RBCK1: variants seen among roughly 807,000 people sequenced by gnomAD.
The protein encoded by RBCK1 is ranBP-type and C3HC4-type zinc finger-containing protein 1.
In RBCK1, 44 loss-of-function variants were observed where a neutral mutation model predicts 71.1. The observed-to-expected ratio is 0.62, with a 90% CI of 0.49 to 0.80. RBCK1 has a LOEUF of 0.80. Among genes scored for constraint, RBCK1 ranks in the 30% least tolerant of loss-of-function variants. The probability of loss-of-function intolerance (pLI) is 0.00; values close to 1 mark genes in which losing one functional copy is unlikely to be tolerated. For synonymous variants in RBCK1, 306 were observed against 279.7 expected (o/e 1.09, Z -0.94); for missense variants, 569 against 685.0 (o/e 0.83, Z 1.89).
chr20:425,341 A>C (rs368511092), intron 8 of RBCK1, among the ~76,000 whole-genome samples: 1 of 152,226 alleles, frequency 6.6e-6, no homozygotes, highest in Non-Finnish European at 1.5e-5. Flanking sequence ...ACTTTACTTA[A>C]GTATACTTTG....
In RBCK1 at chr20:417,272, C is replaced by T. The variant is rs746763063; in HGVS notation, c.168-254C>T. The T allele has an allele frequency of 4.4e-6, 3 of 681,140 alleles. No individual in the cohort carries two copies. Among genetic ancestry groups the T allele is most frequent in the Non-Finnish European group, 8.4e-6 (3 of 358,004 alleles). The allele number at this position is 681,140 out of a possible 1,614,324, so 42.2% of individuals were successfully genotyped here. A position where few individuals can be genotyped will look rare whatever the true frequency, so the allele number is the denominator to read the frequency against. On this transcript the variant is annotated intron_variant, in intron 2 of 11. Coordinates refer to ENST00000356286, the MANE Select transcript of RBCK1 (RefSeq NM_031229.4). The surrounding 1 kb of genome is among the most constrained non-coding windows in gnomAD (Gnocchi z 4.7). Reference sequence around the variant, plus strand: ...TGGAGAGGTCAGGGAGGTGCCAGATCATGGAGGCCCTCGTGTGCTGCCACG... The same window carrying T: ...TGGAGAGGTCAGGGAGGTGCCAGATTATGGAGGCCCTCGTGTGCTGCCACG...
Position 425,290 on chromosome 20 carries a change from C to T in RBCK1, c.1030-2023C>T, listed in dbSNP as rs139682969. Among the ~76,000 whole-genome samples, 163 of 152,292 alleles carry T rather than the reference C, an allele frequency of 1.1e-3. 1 individual carries two copies. Among genetic ancestry groups the T allele is most frequent in the Admixed American group, 7.3e-3 (112 of 15,300 alleles). On this transcript the variant is annotated intron_variant, in intron 8 of 11. Coordinates refer to ENST00000356286, the MANE Select transcript of RBCK1 (RefSeq NM_031229.4). ...CCTCCCAAAGTGCTAGGATTACAGG[C>T]GTGAGCCACCGTGCCCAGCCAGATA...
At chr20:427,211 T>G in intron 8 of RBCK1, 102 bp from the exon 9 acceptor site, 2 of 1,130,520 alleles carry the variant, frequency 1.8e-6, no homozygotes, top group Non-Finnish European at 2.5e-6. Flanking sequence ...GGGGCTGGGT[T>G]GGAGTTTCTG....
At chr20:425,801 A>G (rs2016681764) in intron 8 of RBCK1, among the ~76,000 whole-genome samples, 1 of 151,768 alleles carries the variant, frequency 6.6e-6, no homozygotes, top group African/African-American at 2.4e-5. Context: ...TAATTTTTGT[A>G]TTTTTAGTAG....
Position 427,862 on chromosome 20 carries a change from G to T in RBCK1, c.1209+370G>T, listed in dbSNP as rs145893594. ...GACCCTGCACTTGTCACTTAAGGTG[G>T]TCCCATATTCAGCTCAGACCCTGAA... is the stretch of plus-strand genomic sequence containing the variant. On this transcript the variant is annotated intron_variant, in intron 9 of 11. Transcript: ENST00000356286. 2.0e-3 allele frequency among the ~76,000 whole-genome samples: 297 copies of T among 152,200 alleles called. 1 individual carries two copies. The highest frequency in any genetic ancestry group is 0.014 in the South Asian group (68 of 4,816).
At position 427,488 on chromosome 20, in the gene RBCK1, G is replaced by A; in HGVS notation, c.1205G>A (p.Cys402Tyr). ...PVCFHVNCLL[C>Y]KAIHEQMNCK... is the part of the protein sequence containing the mutation. ...TGTTTCCACGTCAACTGCCTGCTCT[G>A]CAAGGTGGGGCCTGCAGGGACTCCC... The change falls in exon 9 of 12, where the codon TGC becomes TAC. Residue 402 changes from cysteine (C) to tyrosine (Y), a missense_variant. Physicochemically the swap from Cys to Tyr is radical, Grantham distance 194. This residue lies in a region of RBCK1 where 211 missense variants were observed against 309.4 expected (regional missense o/e 0.68). Transcript: ENST00000356286. The A allele has an allele frequency of 6.2e-7, 1 of 1,613,004 alleles. No homozygotes were observed. Among genetic ancestry groups the A allele is most frequent in the South Asian group, 1.1e-5 (1 of 91,020 alleles).
chr20:428,686 T>C lies in RBCK1; in HGVS notation c.1308+97T>C. The C allele has an allele frequency of 7.2e-7, 1 of 1,384,752 alleles. No homozygotes were observed. Among genetic ancestry groups the C allele is most frequent in the Middle Eastern group, 2.3e-4 (1 of 4,396 alleles). The allele number at this position is 1,384,752 out of a possible 1,614,324, so 85.8% of individuals were successfully genotyped here. ...AGTAAGGGCTGTGCTCACACATCCC[T>C]GGAGGCTCTGACCTCCCTTCTGGCT... On this transcript the variant is annotated intron_variant, in intron 10 of 11. Coordinates refer to ENST00000356286, the MANE Select transcript of RBCK1 (RefSeq NM_031229.4). This position sits in a 1 kb window ranked among gnomAD's most constrained non-coding sequence, Gnocchi z 5.7.
At position 422,309 on chromosome 20, in the gene RBCK1, G is replaced by A. The variant is rs2016484729; in HGVS notation, c.1029+71G>A. The A allele has an allele frequency of 1.6e-6, 2 of 1,253,090 alleles. No homozygotes were observed. Among genetic ancestry groups the A allele is most frequent in the South Asian group, 1.3e-5 (1 of 78,366 alleles). The allele number at this position is 1,253,090 out of a possible 1,614,324, so 77.6% of individuals were successfully genotyped here. On this transcript the variant is annotated intron_variant, in intron 8 of 11. Coordinates refer to ENST00000356286, the MANE Select transcript of RBCK1 (RefSeq NM_031229.4). This position sits in a 1 kb window ranked among gnomAD's most constrained non-coding sequence, Gnocchi z 5.0. ...GGAACTGGGCCCTGAGCAGGCAGCAGACATCTTTCTTTTCTTTCTTTTTTT... is the reference window on the plus strand; with the variant it reads ...GGAACTGGGCCCTGAGCAGGCAGCAAACATCTTTCTTTTCTTTCTTTTTTT...
In RBCK1 at chr20:426,816, CTTTTTTTTTTTTTTT is replaced by C. The variant is rs768525416; in HGVS notation, c.1030-483_1030-469del. Among the ~76,000 whole-genome samples the C allele has an allele frequency of 6.3e-5, 6 of 95,476 alleles. No individual in the cohort carries two copies. In the South Asian group the frequency reaches 1.8e-3, roughly 28 times the overall value. 62.6% of individuals were successfully genotyped at this position (95,476 alleles called of 152,430 possible). ...TCACTTTCTTTTTACTTTTCTTTTC[CTTTTTTTTTTTTTTT>C]TTTTTTTTTTTTTAGCTAGGATTTC... is the stretch of plus-strand genomic sequence containing the variant. On this transcript the variant is annotated intron_variant, in intron 8 of 11. Transcript: ENST00000356286.
chr20:420,799 C>A, intron 6 of RBCK1, 72 bp from the exon 7 acceptor site: 1 of 1,405,592 alleles, frequency 7.1e-7, no homozygotes, highest in African/African-American at 1.6e-5. Flanking sequence ...CGCCCCCTGG[C>A]CCTTCCCCCT....
chr20:410,793 A>C (rs2015662901), intron 2 of RBCK1: 1 of 445,294 alleles, frequency 2.2e-6, no homozygotes, highest in Admixed American at 3.6e-5. Context: ...ATTACTGGAT[A>C]GTAAGGCAAT....
chr20:408,476 C>T lies in RBCK1; in HGVS notation c.-282C>T, dbSNP rs941517803. ...TCCGGGCGTCCTTTCCCCGCTTCTT[C>T]CCACCTCGGCTGGTCCCGTTTCCTC... On this transcript the variant is annotated 5_prime_UTR_variant, in exon 1 of 12. Coordinates refer to ENST00000356286, the MANE Select transcript of RBCK1 (RefSeq NM_031229.4). The T allele has an allele frequency of 3.7e-6, 2 of 535,602 alleles. No homozygotes were observed. The highest frequency in any genetic ancestry group is 3.3e-6 in the Non-Finnish European group (1 of 303,424). 33.2% of individuals were successfully genotyped at this position (535,602 alleles called of 1,614,324 possible). A position where few individuals can be genotyped will look rare whatever the true frequency, so the allele number is the denominator to read the frequency against.
At chr20:418,583 T>C (rs1027318384) in intron 4 of RBCK1, among the ~76,000 whole-genome samples, 8 of 152,260 alleles carry the variant, frequency 5.3e-5, no homozygotes, top group African/African-American at 1.2e-4. Context: ...TTAGCCAGGA[T>C]GGTCTCGATC....
chr20:419,854 G>GCTGGCAGTGACCCTGCAC, intron 6 of RBCK1, 123 bp downstream of exon 6: 4 of 1,443,378 alleles, frequency 2.8e-6, no homozygotes, highest in Non-Finnish European at 2.7e-6. Context: ...CAACCATGCT[G>GCTGGCAGTGACCCTGCAC]CTGGCAGTGA....
At position 417,942 on chromosome 20, in the gene RBCK1, C is replaced by T. The variant is rs532542504; in HGVS notation, c.460+12C>T. 3.1e-6 allele frequency: 5 copies of T among 1,600,184 alleles called. No homozygotes were observed. Among genetic ancestry groups the T allele is most frequent in the Admixed American group, 3.3e-5 (2 of 59,776 alleles). ...GCGGATGCTGGAAGGTGAGGCTCTG[C>T]CCTGAGCACCGCCGGACCCAGCGGG... On this transcript the variant is annotated intron_variant, in intron 4 of 11. Transcript: ENST00000356286. The surrounding 1 kb of genome is among the most constrained non-coding windows in gnomAD (Gnocchi z 4.7).
At chr20:426,815 C>CTT (rs2016741909) in intron 8 of RBCK1, among the ~76,000 whole-genome samples, 3 of 130,820 alleles carry the variant, frequency 2.3e-5, no homozygotes, top group African/African-American at 9.4e-5. Flanking sequence ...CTTTTCTTTT[C>CTT]CTTTTTTTTT....
chr20:420,900 C>A lies in RBCK1; in HGVS notation c.786C>A (p.Tyr262Ter). The change falls in exon 7 of 12, where the codon TAC (tyrosine) becomes TAA (stop). Residue 262 changes from tyrosine to a stop codon, truncating the protein, a stop_gained. Coordinates refer to ENST00000356286, the MANE Select transcript of RBCK1 (RefSeq NM_031229.4). LOFTEE classifies it high-confidence loss of function. ...AGCAGCAGCAGCAGGAGGGGAACTACCTGCAGCACGTCCAGCTGGACCAGA... is the reference window on the plus strand; with the variant it reads ...AGCAGCAGCAGCAGGAGGGGAACTAACTGCAGCACGTCCAGCTGGACCAGA... ...QRKQQQQEGN[Y>*]LQHVQLDQRS... 4.5e-6 allele frequency: 7 copies of A among 1,554,954 alleles called. No individual in the cohort carries two copies. The highest frequency in any genetic ancestry group is 6.1e-6 in the Non-Finnish European group (7 of 1,151,514).
Position 428,869 on chromosome 20 carries a change from C to A in RBCK1, c.1309-82C>A. 2.7e-6 allele frequency: 4 copies of A among 1,497,038 alleles called. No homozygotes were observed. The highest frequency in any genetic ancestry group is 3.5e-6 in the Non-Finnish European group (4 of 1,131,684). 92.7% of individuals were successfully genotyped at this position (1,497,038 alleles called of 1,614,324 possible). ...AGACTCCACAGCTCTAGAGGGTCAC[C>A]ACCTTCTCCCTGCCATGGGGAGGGG... is the stretch of plus-strand genomic sequence containing the variant. On this transcript the variant is annotated intron_variant, in intron 10 of 11. Transcript: ENST00000356286. This position sits in a 1 kb window ranked among gnomAD's most constrained non-coding sequence, Gnocchi z 5.7.
chr20:419,039 G>C (rs1363061769), intron 4 of RBCK1, among the ~76,000 whole-genome samples: 2 of 152,248 alleles, frequency 1.3e-5, no homozygotes, highest in Non-Finnish European at 2.9e-5. Context: ...TCAAGTCACT[G>C]TTTTGGCAGG....
Sources: gnomAD v4.1 joint callset for allele counts (sites outside exome capture counted in the v4.1 genomes callset) on GRCh38, gnomAD v4.1.1 for gene constraint, gnomAD v4.1.1 regional missense constraint, Gnocchi (gnomAD v3.1) non-coding constraint, MANE v1.5 for transcripts, NCBI Gene and HGNC (gene_info 2026-07-23, HGNC 2026-07-21) for gene names.